Variants in NXN observed in about 807,000 individuals in gnomAD.
The protein encoded by NXN is nucleoredoxin.
In NXN, 16 loss-of-function variants were observed where a neutral mutation model predicts 48.6. The ratio of observed to expected loss-of-function variants is 0.33; its 90% CI spans 0.22 to 0.50. The LOEUF is 0.50. NXN is among the 20% of genes least tolerant of loss of function. NXN has a pLI of 0.98. For missense variants in NXN, 492 were observed against 605.5 expected (o/e 0.81, Z 1.97); for synonymous variants, 281 against 269.6 (o/e 1.04, Z -0.41).
At chr17:928,728 C>T (rs544822764) in intron 1 of NXN, among the ~76,000 whole-genome samples, 3 of 152,134 alleles carry the variant, frequency 2.0e-5, no homozygotes, top group Non-Finnish European at 2.9e-5. Flanking sequence ...CCCAGCTACT[C>T]GGGAGGCTGA....
intron 1 of NXN, among the ~76,000 whole-genome samples, chr17:881,423 C>T (rs181474445): frequency 9.2e-5 from 14 of 152,260 alleles, no homozygotes; most frequent in East Asian, 7.7e-4. Flanking sequence ...GACGGGGTTT[C>T]GCCATGTTGC....
chr17:896,855 C>CCGGGGGGGGGGGGGG, intron 1 of NXN: 4 of 1,102,006 alleles, frequency 3.6e-6, no homozygotes, highest in Non-Finnish European at 4.7e-6. Context: ...GCGGTCCTGA[C>CCGGGGGGGGGGGGGG]CACCCGCCCC....
chr17:929,577 G>A (rs776807247), intron 1 of NXN: 2 of 152,134 alleles, frequency 1.3e-5, no homozygotes, highest in East Asian at 1.9e-4. Context: ...ATAGAAGGGC[G>A]ATCAACCAGC....
At chr17:869,132 C>G (rs570380522) in intron 1 of NXN, among the ~76,000 whole-genome samples, 2 of 152,302 alleles carry the variant, frequency 1.3e-5, no homozygotes, top group South Asian at 4.1e-4. Context: ...GTGAACCCCA[C>G]TGACCAGACA....
At chr17:930,617 C>A (rs1567506253) in intron 1 of NXN, among the ~76,000 whole-genome samples, 1 of 152,054 alleles carries the variant, frequency 6.6e-6, no homozygotes, top group Non-Finnish European at 1.5e-5. Flanking sequence ...GAAGGAAGTG[C>A]AGGAGACCTG....
chr17:914,179 C>T (rs565414604), intron 1 of NXN, among the ~76,000 whole-genome samples: 2 of 49,094 alleles, frequency 4.1e-5, no homozygotes, highest in Non-Finnish European at 5.9e-5. Context: ...GGATTACAGG[C>T]GCCCGCCACC....
chr17:863,373 G>A (rs189891130), intron 1 of NXN, among the ~76,000 whole-genome samples: 2 of 152,002 alleles, frequency 1.3e-5, no homozygotes, highest in East Asian at 1.9e-4. Flanking sequence ...TTCACCGTGT[G>A]AGCCAGGATG....
At chr17:899,850 G>A (rs1446814911) in intron 1 of NXN, among the ~76,000 whole-genome samples, 8 of 152,036 alleles carry the variant, frequency 5.3e-5, no homozygotes, top group South Asian at 2.1e-4. Context: ...TGATCATGTC[G>A]TTGCACCCCA....
rs1187931167 is a variant in NXN, at chr17:920,728, T to C, written c.360+58591A>G. 1.3e-5 allele frequency among the ~76,000 whole-genome samples: 2 copies of C among 151,858 alleles called. No individual in the cohort carries two copies. The highest frequency in any genetic ancestry group is 4.8e-5 in the African/African-American group (2 of 41,350). ...TTCCACCGTTCAGGAAGCCTTTTTT[T>C]TTTTTTTCCTTTGAAACAGAGTCTC... is the stretch of plus-strand genomic sequence containing the variant. On this transcript the variant is annotated intron_variant, in intron 1 of 7. Transcript: ENST00000336868. This position sits in a 1 kb window ranked among gnomAD's most constrained non-coding sequence, Gnocchi z 4.6.
intron 1 of NXN, among the ~76,000 whole-genome samples, chr17:833,233 T>C (rs1306580592): frequency 1.3e-5 from 2 of 152,048 alleles, no homozygotes; most frequent in Non-Finnish European, 2.9e-5. Flanking sequence ...GTGGTCTAAT[T>C]TATCCAGGAA....
intron 1 of NXN, among the ~76,000 whole-genome samples, chr17:848,261 CTGAG>C (rs1235139620): frequency 6.6e-6 from 1 of 152,176 alleles, no homozygotes; most frequent in Non-Finnish European, 1.5e-5. Context: ...CCTCAGCCTC[CTGAG>C]TATCTGGGAT....
At chr17:918,324 G>A (rs1055295253) in intron 1 of NXN, among the ~76,000 whole-genome samples, 1 of 152,138 alleles carries the variant, frequency 6.6e-6, no homozygotes, top group African/African-American at 2.4e-5. Flanking sequence ...AGGAAAAGGC[G>A]GGAGGGTCGG....
At chr17:885,431 C>G (rs554942) in intron 1 of NXN, among the ~76,000 whole-genome samples, 83,041 of 150,450 alleles carry the variant, frequency 0.55, 23,210 homozygotes, top group East Asian at 0.63. Flanking sequence ...GAGCGGAGAT[C>G]GCACCACTAC....
At position 889,204 on chromosome 17, in the gene NXN, G is replaced by A. The variant is rs1014028553; in HGVS notation, c.361-63126C>T. 2.6e-5 allele frequency among the ~76,000 whole-genome samples: 4 copies of A among 151,574 alleles called. 1 individual carries two copies. Among genetic ancestry groups the A allele is most frequent in the Non-Finnish European group, 4.4e-5 (3 of 67,908 alleles). ...GGGAAGACAGAGCAGAAAGCCCAGC[G>A]CCTGCACGTGCCACACTTGCCTTCT... On this transcript the variant is annotated intron_variant, in intron 1 of 7. Coordinates refer to ENST00000336868, the MANE Select transcript of NXN (RefSeq NM_022463.5).
chr17:861,617 C>A (rs958102036), intron 1 of NXN, among the ~76,000 whole-genome samples: 1 of 152,130 alleles, frequency 6.6e-6, no homozygotes, highest in South Asian at 2.1e-4. Context: ...GAACGTCTCA[C>A]TGAGTGCCAG....
At chr17:805,338 C>A in intron 5 of NXN, 91 bp from the exon 6 acceptor site, 1 of 1,385,244 alleles carries the variant, frequency 7.2e-7, no homozygotes. Flanking sequence ...GGGGTCCCCC[C>A]GACCGTGGTG....
rs1046334054 is a variant in NXN, at chr17:934,318, C to T, written c.360+45001G>A. Among the ~76,000 whole-genome samples the T allele has an allele frequency of 4.6e-5, 7 of 151,956 alleles. No individual in the cohort carries two copies. In the South Asian group the frequency reaches 1.2e-3, roughly 27 times the overall value. On this transcript the variant is annotated intron_variant, in intron 1 of 7. Coordinates refer to ENST00000336868, the MANE Select transcript of NXN (RefSeq NM_022463.5). ...AAAATTAGCCGGGCGTGGTGGCGGG[C>T]ACCTGTAGTCCCAGCTACTGGGGAG...
At chr17:841,447 CCT>C in intron 1 of NXN, among the ~76,000 whole-genome samples, 1 of 129,314 alleles carries the variant, frequency 7.7e-6, no homozygotes, top group African/African-American at 2.6e-5. Flanking sequence ...AGCAGGTCCC[CCT>C]GACCACGGCG....
At chr17:896,542 T>C (rs1331544436) in intron 1 of NXN, among the ~76,000 whole-genome samples, 3 of 152,166 alleles carry the variant, frequency 2.0e-5, no homozygotes, top group African/African-American at 7.2e-5. Flanking sequence ...AGTAGAACTA[T>C]TCCCGTACCT....
Sources: allele counts gnomAD v4.1 joint callset (sites outside exome capture counted in the v4.1 genomes callset), GRCh38; gene constraint gnomAD v4.1.1; non-coding constraint Gnocchi (gnomAD v3.1); transcripts MANE v1.5; gene names NCBI Gene and HGNC (gene_info 2026-07-23, HGNC 2026-07-21).